Variants in ZBTB11 observed in about 807,000 individuals in gnomAD.
The protein encoded by ZBTB11 is zinc finger and BTB domain containing 11, also known as zinc finger and BTB domain-containing protein 11.
A neutral mutation model predicts 113.1 loss-of-function variants in ZBTB11; 68 were observed. The observed-to-expected ratio is 0.60, with a 90% CI of 0.49 to 0.74. The LOEUF is 0.74. Ranked by LOEUF, ZBTB11 falls within the 30% of genes least tolerant of loss-of-function variation. The pLI is 0.00. For missense variants in ZBTB11, 1,104 were observed against 1,279.4 expected (o/e 0.86, Z 2.09); for synonymous variants, 518 against 452.6 (o/e 1.14, Z -1.83).
At chr3:101,676,308 G>A (rs1411170919) in intron 1 of ZBTB11, among the ~76,000 whole-genome samples, 2 of 152,212 alleles carry the variant, frequency 1.3e-5, no homozygotes, top group Non-Finnish European at 2.9e-5. Flanking sequence ...GCCGCCCAAG[G>A]AGGCGGACCT....
At chr3:101,652,248 C>T (rs567868888) in intron 10 of ZBTB11, among the ~76,000 whole-genome samples, 12 of 152,248 alleles carry the variant, frequency 7.9e-5, no homozygotes, top group African/African-American at 2.6e-4. Context: ...TCCTTCATTC[C>T]TTCAAAGCAG....
At position 101,651,126 on chromosome 3, in the gene ZBTB11, G is replaced by T. The variant is rs563870421; in HGVS notation, c.*40C>A. The T allele has an allele frequency of 5.9e-6, 9 of 1,530,338 alleles. No individual in the cohort carries two copies. The South Asian group carries it at 7.9e-5, about 13-fold the overall frequency. The allele number at this position is 1,530,338 out of a possible 1,614,324, so 94.8% of individuals were successfully genotyped here. On this transcript the variant is annotated 3_prime_UTR_variant, in exon 11 of 11. Coordinates refer to ENST00000312938, the MANE Select transcript of ZBTB11 (RefSeq NM_014415.4). Reference sequence around the variant, plus strand: ...TAAACAAATGTTCTGTGAGTTCAGTGTACAAGAGATGTCACTTCTTTTTAT... The same window carrying T: ...TAAACAAATGTTCTGTGAGTTCAGTTTACAAGAGATGTCACTTCTTTTTAT...
chr3:101,676,494 C>T (rs1415835464), intron 1 of ZBTB11, 111 bp downstream of exon 1: 4 of 1,186,440 alleles, frequency 3.4e-6, no homozygotes, highest in African/African-American at 3.2e-5. Flanking sequence ...AGCTCCGCCG[C>T]CCAGAGGCGT....
intron 5 of ZBTB11, chr3:101,661,965 G>C (rs1448206342): frequency 2.0e-5 from 3 of 151,212 alleles, no homozygotes; most frequent in African/African-American, 7.3e-5. Context: ...ACTTTTCTGA[G>C]ATTTTTTATA....
rs557813796 is a variant in ZBTB11 at position 101,653,044 on chromosome 3, T to G, written c.2310-106A>C. On this transcript the variant is annotated intron_variant, in intron 8 of 10. Transcript: ENST00000312938. ...TTTTTTAGAACTCCAAAAGATGATC[T>G]CAACTTAAAAGAATTCCCTAATTTT... 4.9e-6 allele frequency: 6 copies of G among 1,235,498 alleles called. No individual in the cohort carries two copies. In the East Asian group the frequency reaches 1.5e-4, roughly 30 times the overall value. 76.5% of individuals were successfully genotyped at this position (1,235,498 alleles called of 1,614,324 possible).
chr3:101,661,068 C>CA (rs1014479058), intron 5 of ZBTB11, among the ~76,000 whole-genome samples: 7 of 151,098 alleles, frequency 4.6e-5, no homozygotes, highest in African/African-American at 1.2e-4. Flanking sequence ...CCTGTCTCTA[C>CA]AAAAAAAATA....
chr3:101,672,454 CATAAG>C (rs943275831), intron 1 of ZBTB11, among the ~76,000 whole-genome samples: 1 of 152,188 alleles, frequency 6.6e-6, no homozygotes, highest in African/African-American at 2.4e-5. Context: ...TTTCTCTAAT[CATAAG>C]ATGACTATAT....
Position 101,651,511 on chromosome 3 carries a change from G to C in ZBTB11, c.2817C>G (p.Asp939Glu). ...LRKHMTKFHR[D>E]YVPCKIMLEK... ...CCAGCATAATTTTGCAAGGCACATAGTCTCTGTGGAATTTAGTCATATGTT... is the reference window on the plus strand; with the variant it reads ...CCAGCATAATTTTGCAAGGCACATACTCTCTGTGGAATTTAGTCATATGTT... The change falls in exon 11 of 11, where the codon GAC (aspartate) becomes GAG (glutamate). Residue 939 changes from aspartate to glutamate, a missense_variant. Physicochemically the swap from Asp to Glu is conservative, Grantham distance 45. Coordinates refer to ENST00000312938, the MANE Select transcript of ZBTB11 (RefSeq NM_014415.4). 6.2e-7 allele frequency: 1 copy of C among 1,614,186 alleles called. No individual in the cohort carries two copies. Among genetic ancestry groups the C allele is most frequent in the Non-Finnish European group, 8.5e-7 (1 of 1,180,036 alleles).
intron 3 of ZBTB11, among the ~76,000 whole-genome samples, chr3:101,668,261 G>C (rs190182074): frequency 1.3e-5 from 2 of 152,210 alleles, no homozygotes; most frequent in Non-Finnish European, 2.9e-5. Context: ...ATTACAGCTA[G>C]ATAGATAGAA....
intron 7 of ZBTB11, 62 bp from the exon 8 acceptor site, chr3:101,654,883 T>G (rs1392745795): frequency 6.2e-6 from 9 of 1,441,250 alleles, no homozygotes; most frequent in South Asian, 3.5e-5. Flanking sequence ...TAACAGAATT[T>G]TTTTTTTTTG....
chr3:101,652,788 C>T lies in ZBTB11; in HGVS notation c.2460G>A (p.Glu820=), dbSNP rs746277608. The T allele has an allele frequency of 3.7e-6, 6 of 1,613,234 alleles. No individual in the cohort carries two copies. In the African/African-American group the frequency reaches 8.0e-5, roughly 22 times the overall value. The part of the protein sequence containing the change: ...YSHVKSHSVT[E]PYRCNICGKE... ...TTCTCAAATTTACTCACCTATAAGG[C>T]TCAGTGACAGAATGAGACTTCACAT... Residue 820 remains glutamate (E), a synonymous_variant, in exon 9 of 11, where the codon GAG becomes GAA. Transcript: ENST00000312938.
chr3:101,656,178 T>C lies in ZBTB11; in HGVS notation c.2117A>G (p.Gln706Arg). 1.2e-6 allele frequency: 2 copies of C among 1,602,318 alleles called. No homozygotes were observed. The highest frequency in any genetic ancestry group is 1.1e-5 in the South Asian group (1 of 89,458). Residue 706 changes from glutamine to arginine, a missense_variant, in exon 7 of 11, where the codon CAG (glutamine) becomes CGG (arginine). Gln to Arg is a conservative substitution (Grantham distance 43, BLOSUM62 1). This residue lies in a region of ZBTB11 where 535 missense variants were observed against 518.6 expected (regional missense o/e 1.03). Coordinates refer to ENST00000312938, the MANE Select transcript of ZBTB11 (RefSeq NM_014415.4). ...LHQSLHQSQK[Q>R]FQCELCVKSF... Reference sequence around the variant, plus strand: ...CTTAACACACAGTTCACACTGGAACTGCTTCTGTGATTGATGAAGACTCTG... The same window carrying C: ...CTTAACACACAGTTCACACTGGAACCGCTTCTGTGATTGATGAAGACTCTG...
intron 1 of ZBTB11, among the ~76,000 whole-genome samples, chr3:101,672,707 ACT>A (rs1243738407): frequency 2.0e-5 from 3 of 152,220 alleles, no homozygotes; most frequent in South Asian, 4.1e-4. Flanking sequence ...ACAGACCAAG[ACT>A]CTGTCTCAAA....
chr3:101,676,936 G>C lies in ZBTB11; in HGVS notation c.-22C>G, dbSNP rs373999063. ...ACATCGCGGACCGCGGCTCCCTGAG[G>C]GCGCCTGTCAGGGACAGGTGAGGAA... is the stretch of plus-strand genomic sequence containing the variant. On this transcript the variant is annotated 5_prime_UTR_variant, in exon 1 of 11. Coordinates refer to ENST00000312938, the MANE Select transcript of ZBTB11 (RefSeq NM_014415.4). The C allele has an allele frequency of 1.3e-6, 2 of 1,545,494 alleles. No homozygotes were observed. The highest frequency in any genetic ancestry group is 2.4e-5 in the South Asian group (2 of 82,048).
intron 1 of ZBTB11, among the ~76,000 whole-genome samples, chr3:101,674,511 G>A (rs1372145421): frequency 5.9e-5 from 9 of 151,944 alleles, no homozygotes; most frequent in Non-Finnish European, 1.3e-4. Flanking sequence ...AGGAGTTCGA[G>A]CCCAGCCTGG....
chr3:101,661,349 C>T (rs988594506), intron 5 of ZBTB11, among the ~76,000 whole-genome samples: 2 of 152,020 alleles, frequency 1.3e-5, no homozygotes, highest in Non-Finnish European at 2.9e-5. Flanking sequence ...CCCTTGGACT[C>T]TGTTGAACTG....
intron 10 of ZBTB11, 145 bp downstream of exon 10, chr3:101,652,351 C>A (rs1005127271): frequency 1.2e-5 from 9 of 723,452 alleles, no homozygotes; most frequent in Admixed American, 3.0e-5. Context: ...TAATTAGGTA[C>A]TCAGGTTCAG....
Position 101,671,127 on chromosome 3 carries a change from T to C in ZBTB11, c.778+3A>G, listed in dbSNP as rs1481151676. The stretch of plus-strand genomic sequence containing the variant: ...AAAAGCAAGAGTAATACAAAACCCT[T>C]ACCAGAAAGATCCACCACAGCCTCA... On this transcript the variant is annotated splice_donor_region_variant and intron_variant, in intron 3 of 10. Coordinates refer to ENST00000312938, the MANE Select transcript of ZBTB11 (RefSeq NM_014415.4). The C allele has an allele frequency of 6.2e-7, 1 of 1,611,918 alleles. No individual in the cohort carries two copies. Among genetic ancestry groups the C allele is most frequent in the Non-Finnish European group, 8.5e-7 (1 of 1,178,546 alleles).
chr3:101,676,582 C>T (rs1937178208), intron 1 of ZBTB11, 23 bp downstream of exon 1: 1 of 1,466,162 alleles, frequency 6.8e-7, no homozygotes, highest in African/African-American at 1.4e-5. Context: ...CAGCCCGCCC[C>T]CTCGCCGCGG....
Sources: allele counts gnomAD v4.1 joint callset (sites outside exome capture counted in the v4.1 genomes callset), GRCh38; gene constraint gnomAD v4.1.1; regional missense constraint gnomAD v4.1.1; transcripts MANE v1.5; gene names NCBI Gene and HGNC (gene_info 2026-07-23, HGNC 2026-07-21).